The following DOCK4 variants were observed in gnomAD, a reference collection of about 807,000 sequenced individuals.
DOCK4 encodes dedicator of cytokinesis 4, also known as dedicator of cytokinesis protein 4.
Under a neutral mutation model 268.1 loss-of-function variants are expected in DOCK4, and 97 were observed. That is an observed-to-expected ratio of 0.36 (90% CI 0.31 to 0.43). DOCK4 has a LOEUF of 0.43. DOCK4 is among the 20% of genes least tolerant of loss of function. The probability of loss-of-function intolerance (pLI) is 1.00; values close to 1 mark genes in which losing one functional copy is unlikely to be tolerated. For synonymous variants in DOCK4, 954 were observed against 887.2 expected, an observed-to-expected ratio of 1.08 and a Z score of -1.34; for missense variants, 2,145 against 2,455.7, an observed-to-expected ratio of 0.87 and a Z score of 2.67.
At chr7:111,867,938 T>C in intron 22 of DOCK4, 46 bp downstream of exon 22, 1 of 1,447,614 alleles carries the variant, frequency 6.9e-7, no homozygotes, top group African/African-American at 1.4e-5. Context: ...ATAAATAAAC[T>C]GCACTTATCG....
intron 16 of DOCK4, among the ~76,000 whole-genome samples, chr7:111,887,704 C>T (rs989932264): frequency 2.8e-4 from 43 of 151,340 alleles, no homozygotes; most frequent in African/African-American, 9.3e-4. Flanking sequence ...AGACATTTCA[C>T]GCAGGCTGCA....
intron 1 of DOCK4, among the ~76,000 whole-genome samples, chr7:112,110,358 T>G (rs1324690743): frequency 6.6e-6 from 1 of 152,212 alleles, no homozygotes; most frequent in African/African-American, 2.4e-5. Context: ...ACTCTGTGGA[T>G]TGAGTCCAGG....
At chr7:112,197,483 C>T (rs974940652) in intron 1 of DOCK4, among the ~76,000 whole-genome samples, 10 of 152,138 alleles carry the variant, frequency 6.6e-5, no homozygotes, top group Non-Finnish European at 1.3e-4. Flanking sequence ...CACAATCTGG[C>T]ATGAAATATT....
intron 16 of DOCK4, among the ~76,000 whole-genome samples, chr7:111,891,261 A>C (rs1472530945): frequency 1.3e-5 from 2 of 152,154 alleles, no homozygotes; most frequent in African/African-American, 4.8e-5. Flanking sequence ...TGAAAATAAA[A>C]AGTCATTAAT....
chr7:111,922,099 G>A (rs1458643313), intron 12 of DOCK4, among the ~76,000 whole-genome samples: 1 of 152,198 alleles, frequency 6.6e-6, no homozygotes, highest in Non-Finnish European at 1.5e-5. Flanking sequence ...TAATGACATG[G>A]AGATTACAGT....
intron 13 of DOCK4, among the ~76,000 whole-genome samples, chr7:111,911,616 C>T (rs74434359): frequency 0.011 from 1,706 of 152,258 alleles, 30 homozygotes; most frequent in African/African-American, 0.037. Flanking sequence ...GGGACAGAAA[C>T]GAGCCTTATT....
At position 111,728,628 on chromosome 7, in the gene DOCK4, A is replaced by G. The variant is rs1794837643; in HGVS notation, c.5574T>C (p.Ser1858=). The G allele has an allele frequency of 1.2e-6, 2 of 1,613,934 alleles. No homozygotes were observed. The highest frequency in any genetic ancestry group is 1.7e-6 in the Non-Finnish European group (2 of 1,179,862). Residue 1858 remains serine, a synonymous_variant, in exon 53 of 53, where the codon AGT becomes AGC. Coordinates refer to ENST00000428084, the MANE Select transcript of DOCK4 (RefSeq NM_001363540.2). ...TGCACCGGCTGAGAGAAGAAATCCC[A>G]CTGCTGTAGCTGCCCGACAAGACAG... The part of the protein sequence containing the change: ...NSPVLSGSYS[S]GISSLSRCST...
chr7:111,906,470 T>G (rs1791576276), intron 13 of DOCK4, among the ~76,000 whole-genome samples: 1 of 152,150 alleles, frequency 6.6e-6, no homozygotes, highest in African/African-American at 2.4e-5. Context: ...TATTCAAGTA[T>G]GAGCCAGAAA....
intron 28 of DOCK4, among the ~76,000 whole-genome samples, chr7:111,811,285 A>G (rs924756018): frequency 2.6e-5 from 4 of 152,200 alleles, no homozygotes; most frequent in African/African-American, 9.7e-5. Flanking sequence ...AAACAGAGTA[A>G]GAAGAAAGAT....
At chr7:112,047,686 AGTTT>A (rs1462264089) in intron 1 of DOCK4, among the ~76,000 whole-genome samples, 4 of 152,068 alleles carry the variant, frequency 2.6e-5, no homozygotes, top group East Asian at 1.9e-4. Context: ...AAAATTAATT[AGTTT>A]ATTTATTTAT....
chr7:111,871,674 G>T (rs1485925198), intron 20 of DOCK4, among the ~76,000 whole-genome samples: 1 of 152,166 alleles, frequency 6.6e-6, no homozygotes, highest in Non-Finnish European at 1.5e-5. Context: ...GATGAAGTGG[G>T]ACTCTTAACA....
At chr7:111,916,785 T>G (rs1428118773) in intron 12 of DOCK4, among the ~76,000 whole-genome samples, 2 of 152,108 alleles carry the variant, frequency 1.3e-5, no homozygotes, top group Non-Finnish European at 2.9e-5. Flanking sequence ...GTTTTAATTT[T>G]TAAGATAGCC....
At chr7:111,918,835 G>T (rs1792849025) in intron 12 of DOCK4, among the ~76,000 whole-genome samples, 1 of 152,158 alleles carries the variant, frequency 6.6e-6, no homozygotes, top group African/African-American at 2.4e-5. Context: ...ATGCTTTCCA[G>T]TACAGAATAA....
At chr7:112,066,217 C>T (rs1806914725) in intron 1 of DOCK4, among the ~76,000 whole-genome samples, 1 of 152,084 alleles carries the variant, frequency 6.6e-6, no homozygotes, top group Non-Finnish European at 1.5e-5. Flanking sequence ...GCTAAGGGTC[C>T]AAACAGAACA....
At chr7:111,929,941 ACACAC>A (rs915434064) in intron 12 of DOCK4, among the ~76,000 whole-genome samples, 6 of 152,232 alleles carry the variant, frequency 3.9e-5, no homozygotes, top group African/African-American at 1.4e-4. Context: ...AATGATTTTT[ACACAC>A]CGTTTCAAGA....
chr7:112,092,306 T>A (rs989614104), intron 1 of DOCK4, among the ~76,000 whole-genome samples: 2 of 152,206 alleles, frequency 1.3e-5, no homozygotes, highest in Non-Finnish European at 2.9e-5. Flanking sequence ...ATCAAGTTCC[T>A]ACCACGCATT....
intron 8 of DOCK4, among the ~76,000 whole-genome samples, chr7:111,960,861 C>T (rs1378573037): frequency 6.6e-6 from 1 of 152,092 alleles, no homozygotes; most frequent in Non-Finnish European, 1.5e-5. Flanking sequence ...GACAGAGTTT[C>T]CTTCTTTTTA....
At chr7:111,923,299 C>T (rs1019302247) in intron 12 of DOCK4, among the ~76,000 whole-genome samples, 1 of 152,142 alleles carries the variant, frequency 6.6e-6, no homozygotes, top group Non-Finnish European at 1.5e-5. Flanking sequence ...GAACCAGTTT[C>T]CCACGGATAC....
Position 111,900,504 on chromosome 7 carries a change from T to G in DOCK4, c.1350A>C (p.Pro450=), listed in dbSNP as rs531368314. ...GCACAAAGGAGTGGTACTCACTGGC[T>G]GGTGGCTCCCCAGAGCCGAAGGAGA... is the stretch of plus-strand genomic sequence containing the variant. ...DFISFGSGEP[P]ASEYHSFVLY... Residue 450 remains proline, a synonymous_variant, in exon 15 of 53, where the codon CCA becomes CCC. Transcript: ENST00000428084. 1 of 1,612,670 alleles carries G rather than the reference T, an allele frequency of 6.2e-7. No individual in the cohort carries two copies. The highest frequency in any genetic ancestry group is 8.5e-7 in the Non-Finnish European group (1 of 1,179,392).
Sources: gnomAD v4.1 joint callset for allele counts (sites outside exome capture counted in the v4.1 genomes callset) on GRCh38, gnomAD v4.1.1 for gene constraint, MANE v1.5 for transcripts, NCBI Gene and HGNC (gene_info 2026-07-23, HGNC 2026-07-21) for gene names.